The following TSHZ2 variants were observed in gnomAD, a reference collection of about 807,000 sequenced individuals.
TSHZ2 encodes teashirt zinc finger homeobox 2.
In TSHZ2, 21 loss-of-function variants were observed where a neutral mutation model predicts 74.4. That is an observed-to-expected ratio of 0.28 (90% CI 0.20 to 0.41). TSHZ2 has a LOEUF of 0.41. Among genes scored for constraint, TSHZ2 ranks in the 10% least tolerant of loss-of-function variants. TSHZ2 has a pLI of 1.00. For missense variants in TSHZ2, 1,244 were observed against 1,293.5 expected, an observed-to-expected ratio of 0.96 and a Z score of 0.59; for synonymous variants, 540 against 515.3, an observed-to-expected ratio of 1.05 and a Z score of -0.65.
At chr20:53,203,037 G>A (rs554963759) in intron 1 of TSHZ2, among the ~76,000 whole-genome samples, 11 of 152,170 alleles carry the variant, frequency 7.2e-5, no homozygotes, top group African/African-American at 2.7e-4. Context: ...CATCCTTCTC[G>A]ATATGAATCA....
At chr20:53,414,218 T>G (rs926438722) in intron 2 of TSHZ2, among the ~76,000 whole-genome samples, 1 of 152,144 alleles carries the variant, frequency 6.6e-6, no homozygotes, top group African/African-American at 2.4e-5. Flanking sequence ...TCTGGAAAGA[T>G]CAGAAATGAG....
intron 1 of TSHZ2, among the ~76,000 whole-genome samples, chr20:53,110,821 A>G (rs1306776950): frequency 1.3e-5 from 2 of 152,224 alleles, no homozygotes; most frequent in Non-Finnish European, 2.9e-5. Flanking sequence ...CCACCGAGAT[A>G]TAGATGGAGG....
intron 1 of TSHZ2, among the ~76,000 whole-genome samples, chr20:53,007,737 CGTGT>C (rs35218931): frequency 2.2e-4 from 32 of 148,088 alleles, no homozygotes; most frequent in African/African-American, 6.0e-4. Flanking sequence ...TATGTATATT[CGTGT>C]GTGTGTGTGT....
intron 1 of TSHZ2, among the ~76,000 whole-genome samples, chr20:53,148,465 T>A (rs1987596358): frequency 6.6e-6 from 1 of 152,196 alleles, no homozygotes; most frequent in Admixed American, 6.5e-5. Flanking sequence ...GGAAGAATTT[T>A]GCTTTCTATT....
chr20:53,165,850 C>T (rs1204217733), intron 1 of TSHZ2, among the ~76,000 whole-genome samples: 1 of 152,194 alleles, frequency 6.6e-6, no homozygotes, highest in Non-Finnish European at 1.5e-5. Flanking sequence ...CACATGCAGA[C>T]TCACTCACAA....
intron 2 of TSHZ2, among the ~76,000 whole-genome samples, chr20:53,283,270 T>C (rs1232570851): frequency 6.6e-6 from 1 of 152,198 alleles, no homozygotes; most frequent in Non-Finnish European, 1.5e-5. Context: ...TCATTATCAC[T>C]GCCAGAACTC....
Position 53,335,613 on chromosome 20 carries a change from G to A in TSHZ2, c.*8+79042G>A, listed in dbSNP as rs751495634. Among the ~76,000 whole-genome samples, 11 of 152,192 alleles carry A rather than the reference G, an allele frequency of 7.2e-5. 1 individual carries two copies. Among genetic ancestry groups the A allele is most frequent in the Admixed American group, 3.9e-4 (6 of 15,278 alleles). On this transcript the variant is annotated intron_variant, in intron 2 of 2. Transcript: ENST00000371497. ...ATCGGAAGAATCATCTCAATCATTC[G>A]TTTGCAAGTGTGACAAGGGAAAAGT... is the stretch of plus-strand genomic sequence containing the variant.
In TSHZ2 at chr20:53,256,555, G is replaced by A; in HGVS notation, c.3097G>A (p.Glu1033Lys). The A allele has an allele frequency of 1.9e-6, 3 of 1,584,824 alleles. No individual in the cohort carries two copies. The highest frequency in any genetic ancestry group is 2.6e-6 in the Non-Finnish European group (3 of 1,161,902). ...HHSQFVTDVD[E>K]E ...TTCACAGTTTGTAACAGACGTGGAT[G>A]AAGAATAGCTCTGCAGGTATGGGTT... The change falls in exon 2 of 3, where the codon GAA becomes AAA. Residue 1033 changes from glutamate to lysine, a missense_variant. By Grantham distance (56) the Glu-to-Lys change is moderately conservative. This residue lies in a region of TSHZ2 where 185 missense variants were observed against 213.3 expected (regional missense o/e 0.87). Transcript: ENST00000371497. The surrounding 1 kb of genome is among the most constrained non-coding windows in gnomAD (Gnocchi z 4.3).
chr20:53,495,247 C>G lies in TSHZ2; in HGVS notation c.*8112C>G, dbSNP rs1290210733. 6.6e-6 allele frequency: 1 copy of G among 152,116 alleles called. No individual in the cohort carries two copies. The highest frequency in any genetic ancestry group is 1.5e-5 in the Non-Finnish European group (1 of 68,016). The allele number at this position is 152,116 out of a possible 1,614,324, so 9.4% of individuals were successfully genotyped here. ...AAGCACAAGACTGAATAGAAGTGCT[C>G]TTTTTATGCTTTCTGGAGATGTTAC... On this transcript the variant is annotated 3_prime_UTR_variant, in exon 3 of 3. Coordinates refer to ENST00000371497, the MANE Select transcript of TSHZ2 (RefSeq NM_173485.6).
At chr20:53,421,686 T>G (rs1046651309) in intron 2 of TSHZ2, 8 of 137,148 alleles carry the variant, frequency 5.8e-5, no homozygotes, top group Admixed American at 1.5e-4. Flanking sequence ...TTTTGGTTTT[T>G]TTTTTTTTTT....
rs758913221 is a variant in TSHZ2, at chr20:53,256,011, G to A, written c.2553G>A (p.Gln851=). The A allele has an allele frequency of 1.9e-6, 3 of 1,613,350 alleles. No individual in the cohort carries two copies. The highest frequency in any genetic ancestry group is 1.7e-6 in the Non-Finnish European group (2 of 1,179,446). Residue 851 remains glutamine (Q), a synonymous_variant, in exon 2 of 3, where the codon CAG becomes CAA. Coordinates refer to ENST00000371497, the MANE Select transcript of TSHZ2 (RefSeq NM_173485.6). This position sits in a 1 kb window ranked among gnomAD's most constrained non-coding sequence, Gnocchi z 4.3. ...RKGRQSNWNP[Q]HLLILQAQFA... ...GCCGGCAGTCCAACTGGAATCCTCAGCATCTTCTGATTCTACAAGCCCAGT... is the reference window on the plus strand; with the variant it reads ...GCCGGCAGTCCAACTGGAATCCTCAACATCTTCTGATTCTACAAGCCCAGT...
Position 53,105,938 on chromosome 20 carries a change from C to T in TSHZ2, c.40+132605C>T, listed in dbSNP as rs1029721682. On this transcript the variant is annotated intron_variant, in intron 1 of 2. Coordinates refer to ENST00000371497, the MANE Select transcript of TSHZ2 (RefSeq NM_173485.6). ...TGCTGGCATTCCAGGCATGAGCCAC[C>T]GCACCCAGCCTTATTTTATTTTTAA... Among the ~76,000 whole-genome samples, 24 of 152,282 alleles carry T rather than the reference C, an allele frequency of 1.6e-4. No homozygotes were observed. In the East Asian group the frequency reaches 2.7e-3, roughly 17 times the overall value.
intron 2 of TSHZ2, among the ~76,000 whole-genome samples, chr20:53,262,332 T>C (rs993340847): frequency 1.3e-5 from 2 of 152,006 alleles, no homozygotes; most frequent in African/African-American, 4.8e-5. Context: ...AGAACTGAAA[T>C]CTCTCTAACG....
chr20:53,391,161 G>T (rs1025588640), intron 2 of TSHZ2, among the ~76,000 whole-genome samples: 34 of 122,692 alleles, frequency 2.8e-4, no homozygotes, highest in African/African-American at 3.9e-4. Context: ...TTTTGGTTTG[G>T]TTTGAGACAG....
At chr20:53,043,279 C>G (rs1984112179) in intron 1 of TSHZ2, among the ~76,000 whole-genome samples, 1 of 152,178 alleles carries the variant, frequency 6.6e-6, no homozygotes, top group South Asian at 2.1e-4. Context: ...CTTATTTATA[C>G]TGTTCTCAAC....
intron 1 of TSHZ2, among the ~76,000 whole-genome samples, chr20:52,993,514 C>T (rs2180675): frequency 0.43 from 65,086 of 152,030 alleles, 14,304 homozygotes; most frequent in Non-Finnish European, 0.47. Flanking sequence ...AAGAAAAGTT[C>T]TGTGCTTTGG....
At chr20:53,407,614 A>C (rs1226999545) in intron 2 of TSHZ2, among the ~76,000 whole-genome samples, 1 of 152,200 alleles carries the variant, frequency 6.6e-6, no homozygotes, top group Non-Finnish European at 1.5e-5. Flanking sequence ...CTCTCTCCAC[A>C]TATAAAGTCA....
At chr20:53,147,519 A>G (rs968805713) in intron 1 of TSHZ2, among the ~76,000 whole-genome samples, 6 of 152,234 alleles carry the variant, frequency 3.9e-5, no homozygotes, top group Non-Finnish European at 7.3e-5. Context: ...TACTAATTCA[A>G]TATTTTTCAA....
intron 1 of TSHZ2, among the ~76,000 whole-genome samples, chr20:53,195,746 A>G (rs990976083): frequency 2.6e-5 from 4 of 152,206 alleles, no homozygotes; most frequent in Non-Finnish European, 4.4e-5. Flanking sequence ...CAAACTTTAA[A>G]TGACCCAGAG....
Sources: allele counts gnomAD v4.1 joint callset (sites outside exome capture counted in the v4.1 genomes callset), GRCh38; gene constraint gnomAD v4.1.1; regional missense constraint gnomAD v4.1.1; non-coding constraint Gnocchi (gnomAD v3.1); transcripts MANE v1.5; gene names NCBI Gene and HGNC (gene_info 2026-07-23, HGNC 2026-07-21).